The following ZNF891 variants were observed in gnomAD, a reference collection of about 807,000 sequenced individuals.
ZNF891 encodes the protein zinc finger protein 891, also known as hCG1646157.
For synonymous variants in ZNF891, 199 were observed against 209.0 expected, an observed-to-expected ratio of 0.95 and a Z score of 0.41; for missense variants, 589 against 632.7, an observed-to-expected ratio of 0.93 and a Z score of 0.74.
intron 1 of ZNF891, among the ~76,000 whole-genome samples, chr12:133,128,917 A>T (rs916151189): frequency 2.6e-5 from 4 of 151,982 alleles, no homozygotes; most frequent in African/African-American, 9.7e-5. Flanking sequence ...AAAAAAACCA[A>T]AACCAAATCT....
In ZNF891 at chr12:133,106,650, G is replaced by T; in HGVS notation, c.*13634C>A. ...CACTCATTCCTTACTGAACACCAGTGAATTTACACTGCAAAGAAAAACTAT... is the reference window on the plus strand; with the variant it reads ...CACTCATTCCTTACTGAACACCAGTTAATTTACACTGCAAAGAAAAACTAT... On this transcript the variant is annotated 3_prime_UTR_variant, in exon 2 of 2. Coordinates refer to ENST00000537226, the MANE Select transcript of ZNF891 (RefSeq NM_001277291.2). 1 of 1,563,434 alleles carries T rather than the reference G, an allele frequency of 6.4e-7. No individual in the cohort carries two copies. The highest frequency in any genetic ancestry group is 1.2e-5 in the South Asian group (1 of 83,138).
rs1234918753 is a variant in ZNF891 at position 133,106,640 on chromosome 12, G to A, written c.*13644C>T. 1 of 1,578,764 alleles carries A rather than the reference G, an allele frequency of 6.3e-7. No individual in the cohort carries two copies. ...ATTTAATTACCACTCATTCCTTACT[G>A]AACACCAGTGAATTTACACTGCAAA... On this transcript the variant is annotated 3_prime_UTR_variant, in exon 2 of 2. Transcript: ENST00000537226.
In ZNF891 at chr12:133,122,496, T is replaced by C. The variant is rs374467911; in HGVS notation, c.-106-472A>G. ...ACTTGGCTGCTATCCTACCAATGAA[T>C]TTTATTGAAGTTAAAGGTGTATATG... On this transcript the variant is annotated intron_variant, in intron 1 of 1. Transcript: ENST00000537226. 3.3e-4 allele frequency among the ~76,000 whole-genome samples: 50 copies of C among 152,292 alleles called. No individual in the cohort carries two copies. The South Asian group carries it at 9.9e-3, about 30-fold the overall frequency.
chr12:133,109,949 C>G lies in ZNF891; in HGVS notation c.*10335G>C, dbSNP rs1484630705. 1 of 152,200 alleles carries G rather than the reference C, an allele frequency of 6.6e-6. No individual in the cohort carries two copies. Among genetic ancestry groups the G allele is most frequent in the Non-Finnish European group, 1.5e-5 (1 of 68,050 alleles). The allele number at this position is 152,200 out of a possible 1,614,324, so 9.4% of individuals were successfully genotyped here. On this transcript the variant is annotated 3_prime_UTR_variant, in exon 2 of 2. Coordinates refer to ENST00000537226, the MANE Select transcript of ZNF891 (RefSeq NM_001277291.2). ...CTAGAATATTGGCCGGGCGTGGTGG[C>G]AGACGCCTGTAGTCCCAGCTGCTTG... is the stretch of plus-strand genomic sequence containing the variant.
chr12:133,121,902 A>G lies in ZNF891; in HGVS notation c.17T>C (p.Leu6Pro). Residue 6 changes from leucine (L) to proline (P), a missense_variant, in exon 2 of 2, where the codon CTA becomes CCA. Coordinates refer to ENST00000537226, the MANE Select transcript of ZNF891 (RefSeq NM_001277291.2). ...TTTAGTTAAAGCCCATGGGGAGGAT[A>G]GGTCCATAACTGCCATTTTATGAGT... MAVMD[L>P]SSPWALTKQD... is the part of the protein sequence containing the mutation. 1 of 1,534,918 alleles carries G rather than the reference A, an allele frequency of 6.5e-7. No individual in the cohort carries two copies. The highest frequency in any genetic ancestry group is 1.2e-5 in the South Asian group (1 of 83,886).
rs757610548 is a variant in ZNF891, at chr12:133,120,316, T to C, written c.1603A>G (p.Lys535Glu). ...FSQSSSLIIH[K>E]RIHTERETL is the part of the protein sequence containing the mutation. ...GTTTCTCTCTCAGTATGAATTCTCT[T>C]GTGTATAATAAGTGAAGAGCTCTGA... The change falls in exon 2 of 2, where the codon AAG (lysine) becomes GAG (glutamate). Residue 535 changes from lysine to glutamate, a missense_variant. Physicochemically the swap from Lys to Glu is moderately conservative, Grantham distance 56. Transcript: ENST00000537226. 3.9e-6 allele frequency: 6 copies of C among 1,551,032 alleles called. No homozygotes were observed. In the Admixed American group the frequency reaches 9.7e-5, roughly 25 times the overall value.
In ZNF891 at chr12:133,105,469, C is replaced by T; in HGVS notation, c.*14815G>A. On this transcript the variant is annotated 3_prime_UTR_variant, in exon 2 of 2. Coordinates refer to ENST00000537226, the MANE Select transcript of ZNF891 (RefSeq NM_001277291.2). ...AGAAATGGCCTTATTTTATTCAATACAGGAAAAAGAAACATTCACTTTTTT... is the reference window on the plus strand; with the variant it reads ...AGAAATGGCCTTATTTTATTCAATATAGGAAAAAGAAACATTCACTTTTTT... The T allele has an allele frequency of 6.6e-7, 1 of 1,518,248 alleles. No individual in the cohort carries two copies. Among genetic ancestry groups the T allele is most frequent in the Non-Finnish European group, 8.8e-7 (1 of 1,135,594 alleles). 94.0% of individuals were successfully genotyped at this position (1,518,248 alleles called of 1,614,324 possible).
Position 133,105,822 on chromosome 12 carries a change from C to G in ZNF891, c.*14462G>C. The G allele has an allele frequency of 6.2e-7, 1 of 1,614,178 alleles. No individual in the cohort carries two copies. The highest frequency in any genetic ancestry group is 1.6e-4 in the Middle Eastern group (1 of 6,062). On this transcript the variant is annotated 3_prime_UTR_variant, in exon 2 of 2. Coordinates refer to ENST00000537226, the MANE Select transcript of ZNF891 (RefSeq NM_001277291.2). ...TTTTCCCTGGTGTTACACCAGAGGACTCATACTGGAGAGAAACCATATGCA... is the reference window on the plus strand; with the variant it reads ...TTTTCCCTGGTGTTACACCAGAGGAGTCATACTGGAGAGAAACCATATGCA...
rs1471106617 is a variant in ZNF891, at chr12:133,120,165, TATATTAAAAAA to T, written c.*108_*118del. 1.3e-6 allele frequency: 1 copy of T among 755,058 alleles called. No homozygotes were observed. The highest frequency in any genetic ancestry group is 2.0e-6 in the Non-Finnish European group (1 of 499,574). The allele number at this position is 755,058 out of a possible 1,614,324, so 46.8% of individuals were successfully genotyped here. ...CATAATTAGTATTTACAGAAAATGT[TATATTAAAAAA>T]AGAGCCATTTGTAACCTTAAATCGT... On this transcript the variant is annotated 3_prime_UTR_variant, in exon 2 of 2. Coordinates refer to ENST00000537226, the MANE Select transcript of ZNF891 (RefSeq NM_001277291.2).
At chr12:133,125,117 A>T (rs1031512928) in intron 1 of ZNF891, among the ~76,000 whole-genome samples, 1 of 152,212 alleles carries the variant, frequency 6.6e-6, no homozygotes, top group African/African-American at 2.4e-5. Flanking sequence ...CAAAGAAATG[A>T]ATTTTAAAAA....
At chr12:133,124,232 G>A (rs1043755715) in intron 1 of ZNF891, among the ~76,000 whole-genome samples, 2 of 152,128 alleles carry the variant, frequency 1.3e-5, no homozygotes, top group African/African-American at 4.8e-5. Flanking sequence ...AATCGGTGGG[G>A]GGAAGGATGA....
rs1439913820 is a variant in ZNF891 at position 133,110,341 on chromosome 12, A to G, written c.*9943T>C. The G allele has an allele frequency of 6.6e-6, 1 of 152,236 alleles. No homozygotes were observed. 9.4% of individuals were successfully genotyped at this position (152,236 alleles called of 1,614,324 possible). ...GTGTGTTCTATTTGGGGAAATTCAT[A>G]AAGCTGCATGCCTTTATGTATTATT... On this transcript the variant is annotated 3_prime_UTR_variant, in exon 2 of 2. Transcript: ENST00000537226.
In ZNF891 at chr12:133,105,476, AAG is replaced by A; in HGVS notation, c.*14806_*14807del. On this transcript the variant is annotated 3_prime_UTR_variant, in exon 2 of 2. Coordinates refer to ENST00000537226, the MANE Select transcript of ZNF891 (RefSeq NM_001277291.2). ...GCCTTATTTTATTCAATACAGGAAA[AAG>A]AAACATTCACTTTTTTTTTGGTATC... 5 of 1,533,604 alleles carry A rather than the reference AAG, an allele frequency of 3.3e-6. No homozygotes were observed. The highest frequency in any genetic ancestry group is 4.4e-6 in the Non-Finnish European group (5 of 1,144,150). The allele number at this position is 1,533,604 out of a possible 1,614,324, so 95.0% of individuals were successfully genotyped here.
Position 133,120,454 on chromosome 12 carries a change from C to G in ZNF891, c.1465G>C (p.Glu489Gln). The G allele has an allele frequency of 6.2e-7, 1 of 1,605,158 alleles. No individual in the cohort carries two copies. Among genetic ancestry groups the G allele is most frequent in the Non-Finnish European group, 8.5e-7 (1 of 1,176,244 alleles). Residue 489 changes from glutamate (E) to glutamine (Q), a missense_variant, in exon 2 of 2, where the codon GAA (glutamate) becomes CAA (glutamine). By Grantham distance (29) the Glu-to-Gln change is conservative. Coordinates refer to ENST00000537226, the MANE Select transcript of ZNF891 (RefSeq NM_001277291.2). The stretch of plus-strand genomic sequence containing the variant: ...AAGGCTTTCCTACATTCCTTACATT[C>G]ATAGGGTTTCTCTCCAGTGTGAGTT... ...IRTHTGEKPY[E>Q]CKECRKAFSV...
Position 133,105,783 on chromosome 12 carries a change from CTT to C in ZNF891, c.*14499_*14500del, listed in dbSNP as rs1955569729. On this transcript the variant is annotated 3_prime_UTR_variant, in exon 2 of 2. Transcript: ENST00000537226. ...TATGGATGCCATGAATGTGGAAAAA[CTT>C]TTGGTCGACGCTTTTCCCTGGTGTT... is the stretch of plus-strand genomic sequence containing the variant. 2 of 1,614,016 alleles carry C rather than the reference CTT, an allele frequency of 1.2e-6. No homozygotes were observed.
At chr12:133,128,264 T>G (rs1430333283) in intron 1 of ZNF891, among the ~76,000 whole-genome samples, 1 of 152,184 alleles carries the variant, frequency 6.6e-6, no homozygotes, top group Non-Finnish European at 1.5e-5. Context: ...TTTAACATAT[T>G]CAGCTCTTAA....
rs1955656137 is a variant in ZNF891, at chr12:133,108,562, G to C, written c.*11722C>G. The stretch of plus-strand genomic sequence containing the variant: ...TCTATGGCTCCTTACCTCTATAACT[G>C]AAGAGTTTAATATACAGCCATAAAG... On this transcript the variant is annotated 3_prime_UTR_variant, in exon 2 of 2. Transcript: ENST00000537226. The C allele has an allele frequency of 6.6e-6, 1 of 152,052 alleles. No homozygotes were observed. Among genetic ancestry groups the C allele is most frequent in the Non-Finnish European group, 1.5e-5 (1 of 68,018 alleles). The allele number at this position is 152,052 out of a possible 1,614,324, so 9.4% of individuals were successfully genotyped here.
At position 133,107,675 on chromosome 12, in the gene ZNF891, T is replaced by C. The variant is rs1955643640; in HGVS notation, c.*12609A>G. On this transcript the variant is annotated 3_prime_UTR_variant, in exon 2 of 2. Transcript: ENST00000537226. ...CAAATATAAGATACATCACAGAAAA[T>C]TACCAAGGTATTCTTCCTGTTTTGT... The C allele has an allele frequency of 6.6e-6, 1 of 152,284 alleles. No homozygotes were observed. The highest frequency in any genetic ancestry group is 2.1e-4 in the South Asian group (1 of 4,826). The allele number at this position is 152,284 out of a possible 1,614,324, so 9.4% of individuals were successfully genotyped here.
chr12:133,124,979 GCAA>G (rs1955800526), intron 1 of ZNF891, among the ~76,000 whole-genome samples: 1 of 151,724 alleles, frequency 6.6e-6, no homozygotes, highest in Admixed American at 6.6e-5. Context: ...AAACTTCAAA[GCAA>G]CAACAGCATA....
Sources: gnomAD v4.1 joint callset for allele counts (sites outside exome capture counted in the v4.1 genomes callset) on GRCh38, gnomAD v4.1.1 for gene constraint, MANE v1.5 for transcripts, NCBI Gene and HGNC (gene_info 2026-07-23, HGNC 2026-07-21) for gene names.